Variants in POU2F2 observed in about 807,000 individuals in gnomAD.
The protein encoded by POU2F2 is POU class 2 homeobox 2, also known as POU domain, class 2, transcription factor 2.
A neutral mutation model predicts 63.5 loss-of-function variants in POU2F2; 14 were observed. The ratio of observed to expected loss-of-function variants is 0.22; its 90% confidence interval spans 0.15 to 0.34. The LOEUF is 0.34. POU2F2 is among the 10% of genes least tolerant of loss of function. The probability of loss-of-function intolerance (pLI) is 1.00; values close to 1 mark genes in which losing one functional copy is unlikely to be tolerated. For synonymous variants in POU2F2, 306 were observed against 348.6 expected (o/e 0.88, Z 1.36); for missense variants, 607 against 815.2 (o/e 0.74, Z 3.11).
intron 1 of POU2F2, among the ~76,000 whole-genome samples, chr19:42,174,964 C>T (rs1224506147): frequency 6.6e-6 from 1 of 152,156 alleles, no homozygotes; most frequent in Admixed American, 6.5e-5. Context: ...GGTCATCAGG[C>T]CAAAGGCTTT....
At chr19:42,181,625 CA>C (rs1458088099) in intron 1 of POU2F2, among the ~76,000 whole-genome samples, 1 of 151,720 alleles carries the variant, frequency 6.6e-6, no homozygotes, top group African/African-American at 2.4e-5. Context: ...CTTGCTTTGT[CA>C]CTCAGGCTGG....
intron 1 of POU2F2, among the ~76,000 whole-genome samples, chr19:42,186,852 G>A (rs1363669073): frequency 6.6e-6 from 1 of 152,124 alleles, no homozygotes; most frequent in Non-Finnish European, 1.5e-5. Context: ...ATGGATGGAG[G>A]TGACATTCAT....
At chr19:42,094,719 G>C (rs1362485835) in intron 11 of POU2F2, among the ~76,000 whole-genome samples, 4 of 152,216 alleles carry the variant, frequency 2.6e-5, no homozygotes, top group African/African-American at 9.7e-5. Context: ...TTGCCTTCTT[G>C]TGGCTGGCTA....
At chr19:42,099,451 C>A in intron 7 of POU2F2, 76 bp downstream of exon 7, 2 of 1,312,576 alleles carry the variant, frequency 1.5e-6, no homozygotes, top group Non-Finnish European at 2.2e-6. Flanking sequence ...TCTCACTCAT[C>A]CCCCACCCCC....
At chr19:42,097,679 C>T (rs893176003) in intron 7 of POU2F2, among the ~76,000 whole-genome samples, 3 of 151,950 alleles carry the variant, frequency 2.0e-5, no homozygotes, top group East Asian at 1.9e-4. Flanking sequence ...GCATGTGGGG[C>T]GTGACTGTAG....
intron 4 of POU2F2, among the ~76,000 whole-genome samples, chr19:42,120,740 T>A (rs1463114964): frequency 6.6e-6 from 1 of 152,246 alleles, no homozygotes; most frequent in Non-Finnish European, 1.5e-5. Flanking sequence ...GAGTTGGTAA[T>A]TGTTGAAGCT....
chr19:42,099,417 G>C, intron 7 of POU2F2, 110 bp downstream of exon 7: 1 of 959,748 alleles, frequency 1.0e-6, no homozygotes. Context: ...GGCAGAGTGT[G>C]GCTGGGTCAA....
chr19:42,159,248 G>C (rs1457010934), intron 2 of POU2F2, among the ~76,000 whole-genome samples: 2 of 152,138 alleles, frequency 1.3e-5, no homozygotes, highest in Non-Finnish European at 2.9e-5. Context: ...ACCCTGGCAA[G>C]TCAGGGTTGC....
At chr19:42,099,895 C>A (rs894796464) in intron 5 of POU2F2, 74 bp from the exon 6 acceptor site, 4 of 1,226,878 alleles carry the variant, frequency 3.3e-6, no homozygotes, top group Admixed American at 2.0e-5. Context: ...ATCACCTGAA[C>A]CTTGAGGGGC....
rs767897673 is a variant in POU2F2, at chr19:42,169,832, G to A, written c.-70+6131C>T. On this transcript the variant is annotated intron_variant, in intron 1 of 6. Transcript: ENST00000524801. This position sits in a 1 kb window ranked among gnomAD's most constrained non-coding sequence, Gnocchi z 4.3. ...GTGTCTTTCTTCCCCTCGCTGCTGC[G>A]CCTTCCCAGTCTGGATGAGTACCTT... Among the ~76,000 whole-genome samples, 12 of 151,918 alleles carry A rather than the reference G, an allele frequency of 7.9e-5. No homozygotes were observed. Among genetic ancestry groups the A allele is most frequent in the Non-Finnish European group, 1.2e-4 (8 of 68,000 alleles).
In POU2F2 at chr19:42,104,652, A is replaced by C. The variant is rs79621450; in HGVS notation, c.370-4831T>G. Among the ~76,000 whole-genome samples the C allele has an allele frequency of 8.5e-4, 129 of 152,292 alleles. 3 individuals carry two copies. The East Asian group carries it at 0.021, about 25-fold the overall frequency. Reference sequence around the variant, plus strand: ...GGTGGTACTGTTTGTGTCACACACAAAAAAAGAGTATATCTGGATATTTGC... The same window carrying C: ...GGTGGTACTGTTTGTGTCACACACACAAAAAGAGTATATCTGGATATTTGC... On this transcript the variant is annotated intron_variant, in intron 5 of 14. Transcript: ENST00000692977.
chr19:42,163,004 A>T (rs2034580727), intron 1 of POU2F2, among the ~76,000 whole-genome samples: 1 of 152,280 alleles, frequency 6.6e-6, no homozygotes, highest in South Asian at 2.1e-4. Flanking sequence ...ATCCCATGAC[A>T]CTGCTGTGGA....
intron 5 of POU2F2, among the ~76,000 whole-genome samples, chr19:42,114,834 G>A (rs2031635315): frequency 6.6e-6 from 1 of 152,208 alleles, no homozygotes; most frequent in Non-Finnish European, 1.5e-5. Flanking sequence ...TACTTCAAGA[G>A]CCAGGTATTG....
At chr19:42,101,413 A>G (rs1468812453) in intron 5 of POU2F2, among the ~76,000 whole-genome samples, 3 of 152,112 alleles carry the variant, frequency 2.0e-5, no homozygotes, top group East Asian at 1.9e-4. Context: ...GTGTCCTTAT[A>G]AAAAGGGCAA....
chr19:42,170,825 T>C (rs1416957248), intron 1 of POU2F2, among the ~76,000 whole-genome samples: 1 of 152,238 alleles, frequency 6.6e-6, no homozygotes, highest in East Asian at 1.9e-4. Flanking sequence ...CTTTCCCCGC[T>C]GAGGCGAGAA....
rs769370624 is a variant in POU2F2 at position 42,096,188 on chromosome 19, T to C, written c.623A>G (p.Lys208Arg). 22 of 1,612,878 alleles carry C rather than the reference T, an allele frequency of 1.4e-5. No homozygotes were observed. Among genetic ancestry groups the C allele is most frequent in the Middle Eastern group, 1.7e-4 (1 of 6,046 alleles). ...GGGGTGGGATGGTGGCTCCAAGCAT[T>C]TGGGGGGCTGCGGGTGCGAGAGGTG... The part of the protein sequence containing the change: ...DPHLSHPQPP[K>R]CLEPPSHPEE... Residue 208 changes from lysine to arginine, a missense_variant, in exon 8 of 15, where the codon AAA (lysine) becomes AGA (arginine). Coordinates refer to ENST00000692977, the MANE Select transcript of POU2F2 (RefSeq NM_001394376.1). The surrounding 1 kb of genome is among the most constrained non-coding windows in gnomAD (Gnocchi z 4.1).
intron 2 of POU2F2, among the ~76,000 whole-genome samples, chr19:42,144,749 C>A (rs2034197289): frequency 6.6e-6 from 1 of 152,234 alleles, no homozygotes. Context: ...CTGTTATTAT[C>A]CACCCCCTTT....
chr19:42,122,101 C>T, intron 4 of POU2F2, 25 bp downstream of exon 4: 1 of 1,600,108 alleles, frequency 6.2e-7, no homozygotes, highest in South Asian at 1.1e-5. Flanking sequence ...TGCCCACTTC[C>T]CTGGCTGTTC....
chr19:42,125,045 G>A (rs2033061699), intron 1 of POU2F2, among the ~76,000 whole-genome samples: 1 of 152,022 alleles, frequency 6.6e-6, no homozygotes, highest in African/African-American at 2.4e-5. Context: ...TATACGTTAT[G>A]TTTTAACAAG....
Sources: allele counts gnomAD v4.1 joint callset (sites outside exome capture counted in the v4.1 genomes callset), GRCh38; gene constraint gnomAD v4.1.1; non-coding constraint Gnocchi (gnomAD v3.1); transcripts MANE v1.5; gene names NCBI Gene and HGNC (gene_info 2026-07-23, HGNC 2026-07-21).